EMP3: variants seen among roughly 807,000 people sequenced by gnomAD.
EMP3 encodes the protein epithelial membrane protein 3.
In EMP3, 15 loss-of-function variants were observed where a neutral mutation model predicts 21.6. The ratio of observed to expected loss-of-function variants is 0.69; its 90% confidence interval spans 0.46 to 1.07. The LOEUF is 1.07. EMP3 is among the 50% of genes least tolerant of loss of function. EMP3 has a pLI of 0.00. For missense variants in EMP3, 183 were observed against 206.6 expected (o/e 0.89, Z 0.70); for synonymous variants, 107 against 86.1 (o/e 1.24, Z -1.34).
chr19:48,327,796 A>G, intron 3 of EMP3, 173 bp downstream of exon 3: 3 of 579,630 alleles, frequency 5.2e-6, no homozygotes, highest in South Asian at 2.3e-5. Context: ...GGATGTACCT[A>G]CCTCTTGTTT....
chr19:48,328,006 A>G (rs1969153176), intron 3 of EMP3, among the ~76,000 whole-genome samples: 1 of 152,016 alleles, frequency 6.6e-6, no homozygotes, highest in Non-Finnish European at 1.5e-5. Context: ...AGGTTTCACC[A>G]TGTTGGCCAG....
At chr19:48,327,463 A>T in intron 2 of EMP3, 58 bp from the exon 3 acceptor site, 1 of 1,310,258 alleles carries the variant, frequency 7.6e-7, no homozygotes. Flanking sequence ...AGTCTGCCTG[A>T]CCCTATCCCC....
At chr19:48,326,757 T>C (rs981372718) in intron 1 of EMP3, 73 bp from the exon 2 acceptor site, 1 of 1,300,382 alleles carries the variant, frequency 7.7e-7, no homozygotes, top group African/African-American at 1.5e-5. Flanking sequence ...CCCAAAGTGC[T>C]GGGGTTATAG....
At chr19:48,325,971 T>C (rs8182501) in intron 1 of EMP3, 77,973 of 152,094 alleles carry the variant, frequency 0.51, 20,348 homozygotes, top group Middle Eastern at 0.62. Context: ...AACTCCTTCT[T>C]GGGCCTCTCT....
Position 48,327,574 on chromosome 19 carries a change from G to A in EMP3, c.132G>A (p.Thr44=), listed in dbSNP as rs139549534. 15 of 1,613,846 alleles carry A rather than the reference G, an allele frequency of 9.3e-6. No individual in the cohort carries two copies. In the African/African-American group the frequency reaches 1.1e-4, roughly 11 times the overall value. The part of the protein sequence containing the change: ...KESLNLWYDC[T]WNNDTKTWAC... Reference sequence around the variant, plus strand: ...CCCTGAATCTCTGGTACGACTGCACGTGGAACAACGACACCAAAACATGGG... The same window carrying A: ...CCCTGAATCTCTGGTACGACTGCACATGGAACAACGACACCAAAACATGGG... The change falls in exon 3 of 5, where the codon ACG becomes ACA. Residue 44 remains threonine, a synonymous_variant. Coordinates refer to ENST00000270221, the MANE Select transcript of EMP3 (RefSeq NM_001425.3).
intron 1 of EMP3, among the ~76,000 whole-genome samples, 199 bp downstream of exon 1, chr19:48,325,809 A>G (rs1361202446): frequency 6.6e-6 from 1 of 151,994 alleles, no homozygotes; most frequent in Admixed American, 6.6e-5. Flanking sequence ...GTCCCAGCAG[A>G]GCCCTCCACT....
rs1969179488 is a variant in EMP3 at position 48,329,885 on chromosome 19, G to A, written c.322+393G>A. ...ATGGTATTTATATCAGCCAACCGCT[G>A]TTTCTTGCGTGCCTATTGTGCATCA... On this transcript the variant is annotated intron_variant, in intron 4 of 4. Coordinates refer to ENST00000270221, the MANE Select transcript of EMP3 (RefSeq NM_001425.3). This position sits in a 1 kb window ranked among gnomAD's most constrained non-coding sequence, Gnocchi z 4.5. 6.6e-6 allele frequency among the ~76,000 whole-genome samples: 1 copy of A among 152,156 alleles called. No homozygotes were observed. Among genetic ancestry groups the A allele is most frequent in the African/African-American group, 2.4e-5 (1 of 41,404 alleles).
In EMP3 at chr19:48,326,935, G is replaced by A. The variant is rs1443825302; in HGVS notation, c.78+13G>A. 6 of 1,611,346 alleles carry A rather than the reference G, an allele frequency of 3.7e-6. No individual in the cohort carries two copies. The highest frequency in any genetic ancestry group is 5.1e-6 in the Non-Finnish European group (6 of 1,177,622). On this transcript the variant is annotated intron_variant, in intron 2 of 4. Transcript: ENST00000270221. Reference sequence around the variant, plus strand: ...CACTTTGGACAAGGTAAGCCTACTTGGAGCTCAGGGCCCTTCTGTTCCCCT... The same window carrying A: ...CACTTTGGACAAGGTAAGCCTACTTAGAGCTCAGGGCCCTTCTGTTCCCCT...
At chr19:48,327,347 C>T (rs919429876) in intron 2 of EMP3, among the ~76,000 whole-genome samples, 174 bp from the exon 3 acceptor site, 1 of 152,028 alleles carries the variant, frequency 6.6e-6, no homozygotes, top group Non-Finnish European at 1.5e-5. Flanking sequence ...GCTCTACCTC[C>T]GATGCCTCCT....
chr19:48,327,668 A>T (rs1262944983), intron 3 of EMP3, 45 bp downstream of exon 3: 1 of 1,541,676 alleles, frequency 6.5e-7, no homozygotes, highest in South Asian at 1.1e-5. Context: ...GGGGAAGGTA[A>T]ACCCTTCGTG....
chr19:48,328,630 T>A (rs1969162711), intron 3 of EMP3, among the ~76,000 whole-genome samples: 1 of 152,114 alleles, frequency 6.6e-6, no homozygotes, highest in Admixed American at 6.6e-5. Flanking sequence ...GCTGCATCTA[T>A]CTAAAGTTCT....
At position 48,329,401 on chromosome 19, in the gene EMP3, C is replaced by T. The variant is rs746486792; in HGVS notation, c.231C>T (p.Cys77=). ...TCATGGTGCTCTCCCTCATTCTCTGCTGTCTCTCCTTCATCCTGTTCATGT... is the reference window on the plus strand; with the variant it reads ...TCATGGTGCTCTCCCTCATTCTCTGTTGTCTCTCCTTCATCCTGTTCATGT... ...QVLMVLSLIL[C]CLSFILFMFQ... Residue 77 remains cysteine (C), a synonymous_variant, in exon 4 of 5, where the codon TGC becomes TGT. Transcript: ENST00000270221. This position sits in a 1 kb window ranked among gnomAD's most constrained non-coding sequence, Gnocchi z 4.5. 3 of 1,614,114 alleles carry T rather than the reference C, an allele frequency of 1.9e-6. No homozygotes were observed. In the South Asian group the frequency reaches 3.3e-5, roughly 18 times the overall value.
intron 4 of EMP3, 136 bp from the exon 5 acceptor site, chr19:48,330,165 G>A (rs373966702): frequency 1.3e-5 from 17 of 1,286,222 alleles, no homozygotes; most frequent in Admixed American, 2.9e-5. Flanking sequence ...GCGCTGGGCG[G>A]GGGGGAAAGA....
chr19:48,330,342 G>A lies in EMP3; in HGVS notation c.364G>A (p.Ala122Thr). Residue 122 changes from alanine to threonine, a missense_variant, in exon 5 of 5, where the codon GCC (alanine) becomes ACC (threonine). Transcript: ENST00000270221. ...FTGALIYAIHAEEILEKHPRG... is the reference protein window; with the variant it reads ...FTGALIYAIHTEEILEKHPRG... The stretch of plus-strand genomic sequence containing the variant: ...TGGCGCCTTGATCTATGCCATTCAC[G>A]CCGAGGAGATCCTGGAGAAGCACCC... 6.2e-7 allele frequency: 1 copy of A among 1,605,864 alleles called. No homozygotes were observed. The highest frequency in any genetic ancestry group is 8.5e-7 in the Non-Finnish European group (1 of 1,176,624).
At position 48,327,377 on chromosome 19, in the gene EMP3, C is replaced by G. The variant is rs1027293518; in HGVS notation, c.79-144C>G. 27 of 647,116 alleles carry G rather than the reference C, an allele frequency of 4.2e-5. No individual in the cohort carries two copies. The East Asian group carries it at 5.7e-4, about 14-fold the overall frequency. 40.1% of individuals were successfully genotyped at this position (647,116 alleles called of 1,614,324 possible). A position where few individuals can be genotyped will look rare whatever the true frequency, so the allele number is the denominator to read the frequency against. Reference sequence around the variant, plus strand: ...CCTCCTCCCTGTCCTGACCCTACCCCCTCTCATATTAAATCCTAACTCTCC... The same window carrying G: ...CCTCCTCCCTGTCCTGACCCTACCCGCTCTCATATTAAATCCTAACTCTCC... On this transcript the variant is annotated intron_variant, in intron 2 of 4. Transcript: ENST00000270221.
At chr19:48,326,121 G>C (rs1969119440) in intron 1 of EMP3, 1 of 150,942 alleles carries the variant, frequency 6.6e-6, no homozygotes. Flanking sequence ...GGGGGGTGGG[G>C]ATGAGTCACC....
chr19:48,330,034 T>C (rs1969180779), intron 4 of EMP3, among the ~76,000 whole-genome samples: 1 of 152,194 alleles, frequency 6.6e-6, no homozygotes, highest in Non-Finnish European at 1.5e-5. Flanking sequence ...GGTTTATGAA[T>C]TTACTACTGC....
At chr19:48,325,807 A>G (rs1013246534) in intron 1 of EMP3, among the ~76,000 whole-genome samples, 197 bp downstream of exon 1, 12 of 152,044 alleles carry the variant, frequency 7.9e-5, no homozygotes, top group Admixed American at 2.6e-4. Context: ...GGGTCCCAGC[A>G]GAGCCCTCCA....
chr19:48,326,566 T>C (rs890671862), intron 1 of EMP3, among the ~76,000 whole-genome samples: 4 of 151,462 alleles, frequency 2.6e-5, no homozygotes, highest in African/African-American at 4.9e-5. Flanking sequence ...TCTTGGCTCA[T>C]TGCAACCTTT....
Sources: allele counts gnomAD v4.1 joint callset (sites outside exome capture counted in the v4.1 genomes callset), GRCh38; gene constraint gnomAD v4.1.1; non-coding constraint Gnocchi (gnomAD v3.1); transcripts MANE v1.5; gene names NCBI Gene and HGNC (gene_info 2026-07-23, HGNC 2026-07-21).